NCOR2: variants seen among roughly 807,000 people sequenced by gnomAD.
The protein encoded by NCOR2 is nuclear receptor corepressor 2.
NCOR2 carries 81 observed loss-of-function variants against 262.9 expected under a neutral mutation model. That is an observed-to-expected ratio of 0.31 (90% CI 0.26 to 0.37). The LOEUF is 0.37. Ranked by LOEUF, NCOR2 falls within the 10% of genes least tolerant of loss-of-function variation. The probability of loss-of-function intolerance (pLI) is 1.00; values close to 1 mark genes in which losing one functional copy is unlikely to be tolerated. For missense variants in NCOR2, 3,385 were observed against 3,621.4 expected (o/e 0.93, Z 1.68); for synonymous variants, 1,659 against 1,559.3 (o/e 1.06, Z -1.51).
exon 32 of NCOR2, chr12:124,344,844 C>T (rs1010080012): frequency 1.6e-5 from 25 of 1,565,664 alleles, no homozygotes; most frequent in African/African-American, 2.7e-5. Flanking sequence ...TCACATCCAG[C>T]GGGTGCACGG....
chr12:124,358,952 A>G (rs970809020), intron 22 of NCOR2, among the ~76,000 whole-genome samples: 1 of 152,256 alleles, frequency 6.6e-6, no homozygotes, highest in Admixed American at 6.5e-5. Context: ...CCAGCTAGCA[A>G]GTGGCAGATA....
chr12:124,560,954 C>A (rs187092443), intron 1 of NCOR2, among the ~76,000 whole-genome samples: 19 of 152,288 alleles, frequency 1.2e-4, no homozygotes, highest in African/African-American at 4.6e-4. Flanking sequence ...TCAAAGAAGT[C>A]CATGATGTAT....
chr12:124,359,816 C>T (rs1212750949), intron 22 of NCOR2, among the ~76,000 whole-genome samples: 1 of 152,242 alleles, frequency 6.6e-6, no homozygotes, highest in East Asian at 1.9e-4. Flanking sequence ...GGCTGAGCCG[C>T]TCTGTGTGGG....
intron 31 of NCOR2, among the ~76,000 whole-genome samples, chr12:124,345,984 C>G (rs928719468): frequency 1.4e-5 from 2 of 141,564 alleles, no homozygotes; most frequent in Non-Finnish European, 3.3e-5. Context: ...CCCTACTGAG[C>G]TGGGGCCGCC....
chr12:124,515,580 T>C (rs2049692581), intron 1 of NCOR2, among the ~76,000 whole-genome samples: 1 of 152,114 alleles, frequency 6.6e-6, no homozygotes, highest in East Asian at 1.9e-4. Flanking sequence ...TGTGTGTGCA[T>C]GTGCGCATGT....
At chr12:124,340,425 G>A in exon 36 of NCOR2, 1 of 1,612,794 alleles carries the variant, frequency 6.2e-7, no homozygotes, top group Non-Finnish European at 8.5e-7. Context: ...GGTTGGTTTT[G>A]TCAAGTGTGT....
At chr12:124,532,828 G>C (rs2137167796) in intron 1 of NCOR2, among the ~76,000 whole-genome samples, 1 of 149,972 alleles carries the variant, frequency 6.7e-6, no homozygotes, top group Non-Finnish European at 1.5e-5. Context: ...AAGCCCTGCT[G>C]AGTTCATCAC....
At chr12:124,359,539 C>T (rs1276355355) in intron 22 of NCOR2, among the ~76,000 whole-genome samples, 1 of 152,230 alleles carries the variant, frequency 6.6e-6, no homozygotes, top group African/African-American at 2.4e-5. Context: ...TCATTCTTAA[C>T]CAGTCCCCAG....
intron 27 of NCOR2, among the ~76,000 whole-genome samples, chr12:124,353,038 C>T (rs564798328): frequency 1.1e-4 from 16 of 152,194 alleles, no homozygotes; most frequent in East Asian, 1.9e-4. Flanking sequence ...TGAGACTGCA[C>T]GGAAGTTTGA....
At chr12:124,438,822 G>GAGAGGGAGACAGAGACCCAGAGAC (rs1307233673) in intron 7 of NCOR2, among the ~76,000 whole-genome samples, 1 of 2,392 alleles carries the variant, frequency 4.2e-4, no homozygotes, top group East Asian at 0.021. Context: ...GAGACCCAGA[G>GAGAGGGAGACAGAGACCCAGAGAC]AGAGGGAGAC....
chr12:124,429,276 A>C, intron 10 of NCOR2: 2 of 317,712 alleles, frequency 6.3e-6, no homozygotes, highest in Non-Finnish European at 1.2e-5. Flanking sequence ...AGCCAATGGG[A>C]AGTTCCAAAA....
At chr12:124,349,861 C>T (rs891849915) in intron 28 of NCOR2, among the ~76,000 whole-genome samples, 10 of 152,120 alleles carry the variant, frequency 6.6e-5, no homozygotes, top group African/African-American at 1.9e-4. Flanking sequence ...TGAGCTGGCA[C>T]CCAAGACACA....
intron 8 of NCOR2, among the ~76,000 whole-genome samples, chr12:124,437,329 C>T (rs2044401884): frequency 6.6e-6 from 1 of 152,198 alleles, no homozygotes; most frequent in Admixed American, 6.5e-5. Context: ...CTGAAACCAC[C>T]ACCACATGCC....
chr12:124,359,439 T>C lies in NCOR2; in HGVS notation c.3101-2657A>G, dbSNP rs2038327472. 4.6e-5 allele frequency among the ~76,000 whole-genome samples: 7 copies of C among 152,332 alleles called. No individual in the cohort carries two copies. In the South Asian group the frequency reaches 1.4e-3, roughly 32 times the overall value. On this transcript the variant is annotated intron_variant, in intron 22 of 46. Coordinates refer to ENST00000405201, the Ensembl canonical transcript of NCOR2. ...GGCCTATGTACCAAATTGCCCCCAA[T>C]TCTCTCCTTGAAGACTGTTTCCCCT...
At chr12:124,429,331 C>T (rs2043782715) in intron 10 of NCOR2, 3 of 474,942 alleles carry the variant, frequency 6.3e-6, no homozygotes, top group South Asian at 5.4e-5. Context: ...CCTCGTCCCC[C>T]AACCCCCTCC....
At position 124,504,287 on chromosome 12, in the gene NCOR2, A is replaced by C. The variant is rs2136974130; in HGVS notation, c.-117-8919T>G. Among the ~76,000 whole-genome samples the C allele has an allele frequency of 6.6e-6, 1 of 152,300 alleles. No homozygotes were observed. Among genetic ancestry groups the C allele is most frequent in the Middle Eastern group, 3.4e-3 (1 of 294 alleles). On this transcript the variant is annotated intron_variant, in intron 1 of 46. Transcript: ENST00000404621. This position sits in a 1 kb window ranked among gnomAD's most constrained non-coding sequence, Gnocchi z 4.5. ...CCCGGAGCGTCTCGTCAGGTCCCAG[A>C]CTTGCTCCCTCTGGGCAGTTTCCTG...
At chr12:124,431,788 C>G (rs1317416383) in intron 8 of NCOR2, among the ~76,000 whole-genome samples, 3 of 150,602 alleles carry the variant, frequency 2.0e-5, no homozygotes, top group Non-Finnish European at 4.4e-5. Context: ...ATGGCAGACA[C>G]ACAGACAGAT....
chr12:124,342,209 A>C, intron 33 of NCOR2, 135 bp from the exon 36 acceptor site: 1 of 1,047,148 alleles, frequency 9.5e-7, no homozygotes. Context: ...CCAAAGCACA[A>C]ACCAGAACTG....
intron 13 of NCOR2, among the ~76,000 whole-genome samples, chr12:124,417,364 G>A (rs1402738970): frequency 9.2e-5 from 14 of 152,122 alleles, no homozygotes; most frequent in African/African-American, 2.2e-4. Context: ...AGGATATGCC[G>A]GGCACCGACA....
Sources: allele counts gnomAD v4.1 joint callset (sites outside exome capture counted in the v4.1 genomes callset), GRCh38; gene constraint gnomAD v4.1.1; non-coding constraint Gnocchi (gnomAD v3.1); transcripts MANE v1.5; gene names NCBI Gene and HGNC (gene_info 2026-07-23, HGNC 2026-07-21).